Variants in LYZL6 observed in about 807,000 individuals in gnomAD.
The protein encoded by LYZL6 is lysozyme-like protein 6.
In LYZL6, 21 loss-of-function variants were observed where a neutral mutation model predicts 15.0. The ratio of observed to expected loss-of-function variants is 1.40; its 90% confidence interval spans 1.00 to 2.02. The LOEUF is 2.02. Ranked by LOEUF, LYZL6 falls within the 30% of genes most tolerant of loss-of-function variation. The pLI, the probability that LYZL6 is intolerant of heterozygous loss-of-function variation, is 0.00. For missense variants in LYZL6, 173 were observed against 180.5 expected, an observed-to-expected ratio of 0.96 and a Z score of 0.24; for synonymous variants, 72 against 67.8, an observed-to-expected ratio of 1.06 and a Z score of -0.31.
chr17:35,934,706 TGA>T lies in LYZL6; in HGVS notation c.*88_*89del, dbSNP rs140946550. 1.3e-3 allele frequency: 1,562 copies of T among 1,210,460 alleles called. 40 individuals are homozygous for T. In the East Asian group the frequency reaches 0.035, roughly 27 times the overall value. 75.0% of individuals were successfully genotyped at this position (1,210,460 alleles called of 1,614,324 possible). The stretch of plus-strand genomic sequence containing the variant: ...TAAATGGGAAGGGAAGAAAATAACA[TGA>T]AGTGGAGGCAGTAGGAAGAAGAAAT... On this transcript the variant is annotated 3_prime_UTR_variant, in exon 5 of 5. Transcript: ENST00000615905.
chr17:35,943,508 G>A lies in LYZL6; in HGVS notation c.-203+59C>T, dbSNP rs117452205. ...CCTGCCCATTAAGCCCCCTCTCAGG[G>A]TCCCCTCAAGGAAGACAGTGGCTCC... On this transcript the variant is annotated intron_variant, in intron 1 of 4. Coordinates refer to ENST00000615905, the MANE Select transcript of LYZL6 (RefSeq NM_020426.4). 1.8e-3 allele frequency: 275 copies of A among 152,314 alleles called. 1 individual carries two copies. Among genetic ancestry groups the A allele is most frequent in the Middle Eastern group, 0.01 (3 of 294 alleles). 9.4% of individuals were successfully genotyped at this position (152,314 alleles called of 1,614,324 possible).
chr17:35,935,775 G>T (rs369392781), intron 4 of LYZL6, among the ~76,000 whole-genome samples: 2 of 151,414 alleles, frequency 1.3e-5, no homozygotes, highest in Non-Finnish European at 2.9e-5. Flanking sequence ...GCCTCCCAAA[G>T]GGCTGGGATT....
chr17:35,939,559 C>G lies in LYZL6; in HGVS notation c.-202-1G>C, dbSNP rs2141968111. 2.3e-6 allele frequency: 1 copy of G among 441,150 alleles called. No homozygotes were observed. Among genetic ancestry groups the G allele is most frequent in the African/African-American group, 2.0e-5 (1 of 50,942 alleles). The allele number at this position is 441,150 out of a possible 1,614,324, so 27.3% of individuals were successfully genotyped here. On this transcript the variant is annotated splice_acceptor_variant, in intron 1 of 4. Coordinates refer to ENST00000615905, the MANE Select transcript of LYZL6 (RefSeq NM_020426.4). LOFTEE classifies it low-confidence loss of function (5UTR_SPLICE). ...TTTTATTTATCATGGAAAATTAAAC[C>G]TTTAAAAAAGGAAAGAGAATAGTAT... is the stretch of plus-strand genomic sequence containing the variant.
In LYZL6 at chr17:35,936,777, C is replaced by T. The variant is rs772486115; in HGVS notation, c.355G>A (p.Gly119Arg). The T allele has an allele frequency of 5.6e-6, 9 of 1,613,652 alleles. No homozygotes were observed. The East Asian group carries it at 8.9e-5, about 16-fold the overall frequency. Reference sequence around the variant, plus strand: ...CACCAGTTGTTCATCCCCCGTGCTCCGGACACAATCCTTTTTGCGCAGTGG... The same window carrying T: ...CACCAGTTGTTCATCCCCCGTGCTCTGGACACAATCCTTTTTGCGCAGTGG... ...GIHCAKRIVS[G>R]ARGMNNWVEW... is the part of the protein sequence containing the mutation. The change falls in exon 4 of 5, where the codon GGA becomes AGA. Residue 119 changes from glycine to arginine, a missense_variant. Physicochemically the swap from Gly to Arg is moderately radical, Grantham distance 125. Transcript: ENST00000615905.
intron 4 of LYZL6, among the ~76,000 whole-genome samples, chr17:35,935,980 A>AT (rs1256396625): frequency 2.0e-5 from 3 of 151,168 alleles, no homozygotes; most frequent in African/African-American, 7.3e-5. Context: ...TGACCAGCTA[A>AT]TTTTTTGTAT....
At chr17:35,940,648 C>T (rs1365854329) in intron 1 of LYZL6, among the ~76,000 whole-genome samples, 8 of 152,306 alleles carry the variant, frequency 5.3e-5, no homozygotes, top group Non-Finnish European at 1.0e-4. Context: ...CAAAACCCTG[C>T]ACCCATTTAG....
intron 1 of LYZL6, among the ~76,000 whole-genome samples, chr17:35,941,218 T>C (rs952577738): frequency 6.6e-6 from 1 of 152,254 alleles, no homozygotes; most frequent in Admixed American, 6.5e-5. Flanking sequence ...TATCACCCTG[T>C]TGTTTTAATT....
At chr17:35,936,702 C>A in intron 4 of LYZL6, 53 bp downstream of exon 4, 1 of 1,525,174 alleles carries the variant, frequency 6.6e-7, no homozygotes, top group Non-Finnish European at 9.0e-7. Context: ...TTTTCTCTGT[C>A]ACGTCCTCCT....
intron 2 of LYZL6, 124 bp downstream of exon 2, chr17:35,939,094 G>A: frequency 8.5e-7 from 1 of 1,174,628 alleles, no homozygotes; most frequent in Non-Finnish European, 1.2e-6. Context: ...GTTGGGAAAG[G>A]CTTTTTTGAA....
chr17:35,940,094 A>T (rs115232215), intron 1 of LYZL6, among the ~76,000 whole-genome samples: 3,250 of 151,994 alleles, frequency 0.021, 105 homozygotes, highest in African/African-American at 0.073. Flanking sequence ...CACATTGTGT[A>T]TGTGTGTGTG....
chr17:35,938,396 G>T (rs187439464), intron 2 of LYZL6, among the ~76,000 whole-genome samples: 5,531 of 152,136 alleles, frequency 0.036, 192 homozygotes, highest in South Asian at 0.19. Flanking sequence ...GAGGCGGGCG[G>T]ATCACGAGGT....
chr17:35,938,974 A>G (rs2089401615), intron 2 of LYZL6, among the ~76,000 whole-genome samples: 1 of 152,190 alleles, frequency 6.6e-6, no homozygotes, highest in Non-Finnish European at 1.5e-5. Flanking sequence ...TTCCCCTAGG[A>G]TGTGAACATT....
chr17:35,937,832 A>G lies in LYZL6; in HGVS notation c.224T>C (p.Phe75Ser). Residue 75 changes from phenylalanine (F) to serine (S), a missense_variant, in exon 3 of 5, where the codon TTC becomes TCC. Physicochemically the swap from Phe to Ser is radical, Grantham distance 155 (BLOSUM62 -2). Transcript: ENST00000615905. ...GCACCAGTAGTGGCTGTTGATCTGG[A>G]AGAGGCCATAGTCAAAGCTTCCGTC... ...NADGSFDYGL[F>S]QINSHYWCND... 1 of 1,614,136 alleles carries G rather than the reference A, an allele frequency of 6.2e-7. No homozygotes were observed. The highest frequency in any genetic ancestry group is 8.5e-7 in the Non-Finnish European group (1 of 1,180,016).
At position 35,934,836 on chromosome 17, in the gene LYZL6, C is replaced by G; in HGVS notation, c.407G>C (p.Arg136Pro). ...WVEWRLHCSG[R>P]PLFYWLTGCR... ...TCCTGTCAGCCAGTAGAAGAGTGGC[C>G]GGCCTGAACAGTGCAACCTCCATTC... The change falls in exon 5 of 5, where the codon CGG becomes CCG. Residue 136 changes from arginine (R) to proline (P), a missense_variant. Physicochemically the swap from Arg to Pro is moderately radical, Grantham distance 103. Coordinates refer to ENST00000615905, the MANE Select transcript of LYZL6 (RefSeq NM_020426.4). 6.2e-7 allele frequency: 1 copy of G among 1,614,094 alleles called. No homozygotes were observed. The highest frequency in any genetic ancestry group is 8.5e-7 in the Non-Finnish European group (1 of 1,180,024).
chr17:35,943,661 C>G lies in LYZL6; in HGVS notation c.-297G>C, dbSNP rs1387381471. On this transcript the variant is annotated 5_prime_UTR_variant, in exon 1 of 5. Transcript: ENST00000615905. ...AGGCTGTCTACAGTAGGAGCCTCTTCTTCCTCACCACATACACTTCAGCCC... is the reference window on the plus strand; with the variant it reads ...AGGCTGTCTACAGTAGGAGCCTCTTGTTCCTCACCACATACACTTCAGCCC... The G allele has an allele frequency of 6.6e-6, 1 of 152,274 alleles. No homozygotes were observed. The highest frequency in any genetic ancestry group is 1.9e-4 in the East Asian group (1 of 5,190). The allele number at this position is 152,274 out of a possible 1,614,324, so 9.4% of individuals were successfully genotyped here. A position where few individuals can be genotyped will look rare whatever the true frequency, so the allele number is the denominator to read the frequency against.
At chr17:35,937,982 G>C in intron 2 of LYZL6, 66 bp from the exon 3 acceptor site, 1 of 1,513,910 alleles carries the variant, frequency 6.6e-7, no homozygotes, top group Non-Finnish European at 9.0e-7. Flanking sequence ...GGAGATGGAG[G>C]AGAAAGGGAG....
intron 3 of LYZL6, among the ~76,000 whole-genome samples, 191 bp from the exon 4 acceptor site, chr17:35,937,024 G>A (rs1035770478): frequency 2.6e-5 from 4 of 152,204 alleles, no homozygotes; most frequent in African/African-American, 4.8e-5. Flanking sequence ...GGGGGTGTGG[G>A]CAGAAGGGGC....
chr17:35,943,404 A>C (rs2089438033), intron 1 of LYZL6, among the ~76,000 whole-genome samples, 163 bp downstream of exon 1: 1 of 109,976 alleles, frequency 9.1e-6, no homozygotes, highest in Non-Finnish European at 1.9e-5. Context: ...ATTTCAGACA[A>C]ACAACCTACT....
chr17:35,936,858 G>T (rs1294112933), intron 3 of LYZL6, 25 bp from the exon 4 acceptor site: 3 of 1,602,884 alleles, frequency 1.9e-6, no homozygotes, highest in Non-Finnish European at 8.5e-7. Flanking sequence ...GAGAAAACCT[G>T]TGAGGGCACA....
Sources: gnomAD v4.1 joint callset for allele counts (sites outside exome capture counted in the v4.1 genomes callset) on GRCh38, gnomAD v4.1.1 for gene constraint, MANE v1.5 for transcripts, NCBI Gene and HGNC (gene_info 2026-07-23, HGNC 2026-07-21) for gene names.